Variants in SLC35F3 observed in about 807,000 individuals in gnomAD.
SLC35F3 encodes the protein putative thiamine transporter SLC35F3.
In SLC35F3, 25 loss-of-function variants were observed where a neutral mutation model predicts 49.9. The observed-to-expected ratio is 0.50, with a 90% CI of 0.37 to 0.70. SLC35F3 has a LOEUF of 0.70. Ranked by LOEUF, SLC35F3 falls within the 30% of genes least tolerant of loss-of-function variation. The probability of loss-of-function intolerance (pLI) is 0.00; values close to 1 mark genes in which losing one functional copy is unlikely to be tolerated. For synonymous variants in SLC35F3, 275 were observed against 265.4 expected (o/e 1.04, Z -0.35); for missense variants, 525 against 639.8 (o/e 0.82, Z 1.94).
At chr1:234,145,179 A>G (rs1665978181) in intron 2 of SLC35F3, among the ~76,000 whole-genome samples, 1 of 152,160 alleles carries the variant, frequency 6.6e-6, no homozygotes, top group Non-Finnish European at 1.5e-5. Flanking sequence ...TGAAGTTTTT[A>G]CCGCACTGTC....
chr1:234,266,644 T>G (rs1313181383), intron 3 of SLC35F3, among the ~76,000 whole-genome samples: 1 of 152,240 alleles, frequency 6.6e-6, no homozygotes, highest in Non-Finnish European at 1.5e-5. Context: ...TATAGCCTGC[T>G]GCACACCTAG....
rs762626891 is a variant in SLC35F3 at position 233,905,660 on chromosome 1, A to G, written c.185A>G (p.Asp62Gly). ...EDLKWSRSVEDLTSGPVGLTS... is the reference protein window; with the variant it reads ...EDLKWSRSVEGLTSGPVGLTS... ...CTGAAATGGTCGCGCTCCGTGGAGG[A>G]TCTCACCAGCGGGCCGGTGGGGCTC... is the stretch of plus-strand genomic sequence containing the variant. The change falls in exon 2 of 8, where the codon GAT (aspartate) becomes GGT (glycine). Residue 62 changes from aspartate (D) to glycine (G), a missense_variant. By Grantham distance (94) the Asp-to-Gly change is moderately conservative. Transcript: ENST00000366618. 5.0e-6 allele frequency: 8 copies of G among 1,614,054 alleles called. No individual in the cohort carries two copies. The highest frequency in any genetic ancestry group is 5.9e-6 in the Non-Finnish European group (7 of 1,180,036).
chr1:233,927,068 C>T (rs1217531498), intron 2 of SLC35F3, among the ~76,000 whole-genome samples: 1 of 152,192 alleles, frequency 6.6e-6, no homozygotes, highest in Non-Finnish European at 1.5e-5. Flanking sequence ...GGTTCCTGCA[C>T]ATCTTTTCTT....
chr1:234,144,968 G>C (rs1407225444), intron 2 of SLC35F3, among the ~76,000 whole-genome samples: 1 of 152,170 alleles, frequency 6.6e-6, no homozygotes, highest in Non-Finnish European at 1.5e-5. Context: ...TCATTCTCTT[G>C]ATAATAATCA....
intron 3 of SLC35F3, among the ~76,000 whole-genome samples, chr1:234,265,419 C>T (rs185963560): frequency 1.6e-4 from 25 of 152,000 alleles, no homozygotes; most frequent in Admixed American, 7.9e-4. Flanking sequence ...GCGATCCTCC[C>T]GCCTCACCCT....
chr1:234,169,037 G>A (rs1384904114), intron 2 of SLC35F3, among the ~76,000 whole-genome samples: 1 of 152,196 alleles, frequency 6.6e-6, no homozygotes, highest in Non-Finnish European at 1.5e-5. Flanking sequence ...GAGAACCAAG[G>A]GAACTGATGG....
chr1:234,283,677 C>T (rs925905956), intron 3 of SLC35F3, among the ~76,000 whole-genome samples: 4 of 152,138 alleles, frequency 2.6e-5, no homozygotes, highest in Non-Finnish European at 5.9e-5. Context: ...ACAGAGAATA[C>T]GGGCCTGGAT....
At chr1:234,260,946 A>T (rs1464668105) in intron 3 of SLC35F3, among the ~76,000 whole-genome samples, 1 of 152,226 alleles carries the variant, frequency 6.6e-6, no homozygotes, top group African/African-American at 2.4e-5. Context: ...AAACATCAAA[A>T]CAGGTATGAG....
At chr1:234,234,542 CACAGGCT>C (rs1667433317) in intron 3 of SLC35F3, among the ~76,000 whole-genome samples, 1 of 152,188 alleles carries the variant, frequency 6.6e-6, no homozygotes, top group African/African-American at 2.4e-5. Context: ...GCTGCTGGCC[CACAGGCT>C]GCACTTTAAC....
chr1:234,081,160 C>A (rs1017568007), intron 2 of SLC35F3, among the ~76,000 whole-genome samples: 3 of 152,142 alleles, frequency 2.0e-5, no homozygotes, highest in African/African-American at 7.2e-5. Context: ...CTACATGAAC[C>A]CATGCCTCGG....
intron 2 of SLC35F3, among the ~76,000 whole-genome samples, chr1:234,196,069 T>A (rs1666805786): frequency 6.6e-6 from 1 of 152,244 alleles, no homozygotes; most frequent in Non-Finnish European, 1.5e-5. Flanking sequence ...GGGACTGGAC[T>A]CCCCAGAGGA....
Position 234,231,477 on chromosome 1 carries a change from A to G in SLC35F3, c.344A>G (p.Glu115Gly), listed in dbSNP as rs1161623616. 1 of 1,611,718 alleles carries G rather than the reference A, an allele frequency of 6.2e-7. No homozygotes were observed. The highest frequency in any genetic ancestry group is 8.5e-7 in the Non-Finnish European group (1 of 1,178,930). ...GAGGCCCAGGCACCGGCCGGGGTGG[A>G]GGCCGGCGGGAGAGCGAGTCGCCGC... The part of the protein sequence containing the change: ...PAEAQAPAGV[E>G]AGGRASRRCW... The change falls in exon 3 of 8, where the codon GAG (glutamate) becomes GGG (glycine). Residue 115 changes from glutamate to glycine, a missense_variant. Around this residue, in one of 4 missense-constraint regions of SLC35F3, gnomAD observed 228 missense variants for 218.9 expected, o/e 1.04. Transcript: ENST00000366618. The surrounding 1 kb of genome is among the most constrained non-coding windows in gnomAD (Gnocchi z 5.4).
chr1:234,312,964 C>A (rs1657395818), intron 4 of SLC35F3, among the ~76,000 whole-genome samples: 1 of 152,022 alleles, frequency 6.6e-6, no homozygotes, highest in Admixed American at 6.6e-5. Context: ...GCAGCCTCAA[C>A]CTTCTGGGCT....
chr1:234,088,389 G>A (rs966981021), intron 2 of SLC35F3, among the ~76,000 whole-genome samples: 2 of 152,164 alleles, frequency 1.3e-5, no homozygotes, highest in Middle Eastern at 3.2e-3. Context: ...TGTATTTTTA[G>A]TAGAAAGGGA....
intron 2 of SLC35F3, among the ~76,000 whole-genome samples, chr1:234,016,594 C>T (rs930635389): frequency 5.9e-5 from 9 of 152,144 alleles, no homozygotes; most frequent in Non-Finnish European, 1.5e-5. Context: ...GAATTCAGCT[C>T]ATAGATGAAG....
intron 2 of SLC35F3, among the ~76,000 whole-genome samples, chr1:233,960,695 A>G (rs1057393772): frequency 6.6e-6 from 1 of 152,082 alleles, no homozygotes; most frequent in Non-Finnish European, 1.5e-5. Flanking sequence ...GTCCTAGTCA[A>G]CTCTGTTTCA....
intron 2 of SLC35F3, among the ~76,000 whole-genome samples, chr1:233,953,807 T>A (rs1246562419): frequency 1.3e-5 from 2 of 152,090 alleles, no homozygotes; most frequent in Admixed American, 1.3e-4. Context: ...AAGACCTGGG[T>A]AAGTCAAAGA....
Position 234,214,177 on chromosome 1 carries a change from A to G in SLC35F3, c.284-17240A>G. On this transcript the variant is annotated intron_variant, in intron 2 of 7. Coordinates refer to ENST00000366618, the MANE Select transcript of SLC35F3 (RefSeq NM_173508.4). This position sits in a 1 kb window ranked among gnomAD's most constrained non-coding sequence, Gnocchi z 8.0. ...CCCGGGGAGGAGGGCGGAGCAGGTG[A>G]GCTGCGGGGTGGGAGCAGGGAGTGC... 1 of 1,087,084 alleles carries G rather than the reference A, an allele frequency of 9.2e-7. No individual in the cohort carries two copies. Among genetic ancestry groups the G allele is most frequent in the Non-Finnish European group, 1.1e-6 (1 of 896,534 alleles). 67.3% of individuals were successfully genotyped at this position (1,087,084 alleles called of 1,614,324 possible).
intron 2 of SLC35F3, among the ~76,000 whole-genome samples, chr1:234,114,983 A>C (rs1369184030): frequency 6.6e-6 from 1 of 152,204 alleles, no homozygotes; most frequent in Non-Finnish European, 1.5e-5. Context: ...TTGATATTAA[A>C]ATATGGTAGA....
Sources: gnomAD v4.1 joint callset for allele counts (sites outside exome capture counted in the v4.1 genomes callset) on GRCh38, gnomAD v4.1.1 for gene constraint, gnomAD v4.1.1 regional missense constraint, Gnocchi (gnomAD v3.1) non-coding constraint, MANE v1.5 for transcripts, NCBI Gene and HGNC (gene_info 2026-07-23, HGNC 2026-07-21) for gene names.